CDK19: variants seen among roughly 807,000 people sequenced by gnomAD.
The protein encoded by CDK19 is cyclin-dependent kinase 19.
CDK19 carries 20 observed loss-of-function variants against 68.3 expected under a neutral mutation model. That is an observed-to-expected ratio of 0.29 (90% CI 0.21 to 0.43). The LOEUF (loss-of-function observed/expected upper bound fraction) is 0.43, where lower values mean the gene tolerates loss of function less well. Among genes scored for constraint, CDK19 ranks in the 20% least tolerant of loss-of-function variants. The probability of loss-of-function intolerance (pLI) is 1.00; values close to 1 mark genes in which losing one functional copy is unlikely to be tolerated. For missense variants in CDK19, 339 were observed against 623.5 expected (o/e 0.54, Z 4.86); for synonymous variants, 221 against 222.8 (o/e 0.99, Z 0.07).
At chr6:110,708,402 C>T (rs928862442) in intron 2 of CDK19, among the ~76,000 whole-genome samples, 2 of 152,212 alleles carry the variant, frequency 1.3e-5, no homozygotes, top group South Asian at 2.1e-4. Flanking sequence ...AGGATGTGCA[C>T]TGGAGAGCTG....
At chr6:110,650,768 TAG>T (rs1410635103) in intron 4 of CDK19, among the ~76,000 whole-genome samples, 3 of 151,664 alleles carry the variant, frequency 2.0e-5, no homozygotes, top group African/African-American at 7.3e-5. Flanking sequence ...TCAGGAAAAA[TAG>T]AGTGACACAG....
intron 2 of CDK19, among the ~76,000 whole-genome samples, chr6:110,727,113 T>C (rs1488754116): frequency 6.6e-6 from 1 of 152,158 alleles, no homozygotes; most frequent in Non-Finnish European, 1.5e-5. Context: ...CAGAATTAGG[T>C]TATATAAGAC....
chr6:110,688,352 T>TAA (rs1772673335), intron 2 of CDK19, among the ~76,000 whole-genome samples: 2 of 151,408 alleles, frequency 1.3e-5, no homozygotes, highest in African/African-American at 4.8e-5. Context: ...TATATATATA[T>TAA]AAAATGCAGG....
chr6:110,715,282 G>C (rs978754725), intron 2 of CDK19, among the ~76,000 whole-genome samples: 31 of 152,120 alleles, frequency 2.0e-4, no homozygotes, highest in African/African-American at 7.5e-4. Flanking sequence ...TAATCATTAA[G>C]TGAAAAAGAC....
chr6:110,696,679 T>C (rs1337588455), intron 2 of CDK19, among the ~76,000 whole-genome samples: 1 of 152,080 alleles, frequency 6.6e-6, no homozygotes, highest in East Asian at 1.9e-4. Context: ...CCCAGCACTT[T>C]GGGAAGCTGA....
chr6:110,750,801 G>C (rs921018758), intron 1 of CDK19, among the ~76,000 whole-genome samples: 4 of 152,112 alleles, frequency 2.6e-5, no homozygotes, highest in African/African-American at 9.7e-5. Flanking sequence ...AGAACTGGAG[G>C]GAGGGAGGAA....
chr6:110,697,434 G>A (rs1210247966), intron 2 of CDK19, among the ~76,000 whole-genome samples: 1 of 151,836 alleles, frequency 6.6e-6, no homozygotes, highest in Non-Finnish European at 1.5e-5. Context: ...GCTAACCAAG[G>A]GAGAAATATA....
chr6:110,755,598 G>C lies in CDK19; in HGVS notation c.129-9397C>G, dbSNP rs1778784637. 2.0e-5 allele frequency among the ~76,000 whole-genome samples: 3 copies of C among 152,116 alleles called. No homozygotes were observed. The South Asian group carries it at 6.2e-4, about 32-fold the overall frequency. On this transcript the variant is annotated intron_variant, in intron 1 of 12. Transcript: ENST00000368911. ...TAGACACCAGAAACGTGTGGACAAA[G>C]TCCAAAGATTAAGATCCATGCTATA...
chr6:110,685,086 C>T (rs765358193), intron 2 of CDK19, among the ~76,000 whole-genome samples: 2 of 151,972 alleles, frequency 1.3e-5, no homozygotes, highest in Non-Finnish European at 2.9e-5. Context: ...TGCAGTGAGC[C>T]AAGATTGTGC....
At chr6:110,705,948 T>C (rs1365639990) in intron 2 of CDK19, among the ~76,000 whole-genome samples, 1 of 152,162 alleles carries the variant, frequency 6.6e-6, no homozygotes, top group African/African-American at 2.4e-5. Context: ...TATACCTATG[T>C]AATAAACCTG....
intron 1 of CDK19, among the ~76,000 whole-genome samples, chr6:110,778,137 CTTG>C (rs894933958): frequency 2.6e-5 from 4 of 152,084 alleles, no homozygotes; most frequent in African/African-American, 4.8e-5. Flanking sequence ...TGGTAAATTT[CTTG>C]TTATGTTTAT....
At chr6:110,668,698 G>A (rs554178293) in intron 3 of CDK19, among the ~76,000 whole-genome samples, 1 of 152,190 alleles carries the variant, frequency 6.6e-6, no homozygotes, top group South Asian at 2.1e-4. Context: ...TGGGCGTAGT[G>A]GTGTATGCCT....
At chr6:110,776,233 AG>A (rs755920526) in intron 1 of CDK19, among the ~76,000 whole-genome samples, 2 of 152,120 alleles carry the variant, frequency 1.3e-5, no homozygotes, top group Non-Finnish European at 2.9e-5. Flanking sequence ...GTTCAAGAGC[AG>A]CCTGGCCAAC....
Position 110,614,231 on chromosome 6 carries a change from A to G in CDK19, c.*304T>C. On this transcript the variant is annotated 3_prime_UTR_variant, in exon 13 of 13. Transcript: ENST00000368911. ...TGCTACAGCATGAGAAAGGTGCACC[A>G]GGAAATCCTTCAAAGAAATGCTGAA... is the stretch of plus-strand genomic sequence containing the variant. 4.2e-6 allele frequency: 1 copy of G among 240,918 alleles called. No homozygotes were observed. Among genetic ancestry groups the G allele is most frequent in the Non-Finnish European group, 8.1e-6 (1 of 123,406 alleles). 14.9% of individuals were successfully genotyped at this position (240,918 alleles called of 1,614,324 possible).
intron 1 of CDK19, chr6:110,813,898 A>G (rs1437568927): frequency 1.3e-5 from 2 of 152,212 alleles, no homozygotes; most frequent in Non-Finnish European, 2.9e-5. Flanking sequence ...TCTTCCGTAG[A>G]GTTTGACTCT....
chr6:110,731,432 T>C (rs568490451), intron 2 of CDK19, among the ~76,000 whole-genome samples: 1 of 152,016 alleles, frequency 6.6e-6, no homozygotes, highest in African/African-American at 2.4e-5. Context: ...AAGGGCTGAG[T>C]TGGGGAGGGG....
chr6:110,792,991 C>G (rs1010525523), intron 1 of CDK19, among the ~76,000 whole-genome samples: 5 of 152,100 alleles, frequency 3.3e-5, no homozygotes, highest in Non-Finnish European at 5.9e-5. Flanking sequence ...AACTGAGATA[C>G]AGAGAGATTA....
intron 2 of CDK19, among the ~76,000 whole-genome samples, chr6:110,684,299 TTTG>T (rs1772263555): frequency 6.6e-6 from 1 of 152,126 alleles, no homozygotes; most frequent in African/African-American, 2.4e-5. Context: ...TTTATTTATT[TTTG>T]TTGTTGTTGT....
At position 110,627,012 on chromosome 6, in the gene CDK19, C is replaced by A; in HGVS notation, c.780G>T (p.Gly260=). 1 of 1,610,552 alleles carries A rather than the reference C, an allele frequency of 6.2e-7. No homozygotes were observed. Among genetic ancestry groups the A allele is most frequent in the Non-Finnish European group, 8.5e-7 (1 of 1,178,380 alleles). ...DQLDRIFSVM[G]FPADKDWEDI... ...AGGAAAATAAATTACCTGCAGGAAA[C>A]CCCATGACACTAAATATCCGATCCA... Residue 260 remains glycine (G), a synonymous_variant, in exon 7 of 13, where the codon GGG becomes GGT. Coordinates refer to ENST00000368911, the MANE Select transcript of CDK19 (RefSeq NM_015076.5).
Sources: allele counts gnomAD v4.1 joint callset (sites outside exome capture counted in the v4.1 genomes callset), GRCh38; gene constraint gnomAD v4.1.1; transcripts MANE v1.5; gene names NCBI Gene and HGNC (gene_info 2026-07-23, HGNC 2026-07-21).